Variants in EFCAB3 observed in about 807,000 individuals in gnomAD.
The protein encoded by EFCAB3 is EF-hand calcium-binding domain-containing protein 3.
A neutral mutation model predicts 42.2 loss-of-function variants in EFCAB3; 36 were observed. The observed-to-expected ratio is 0.85, with a 90% CI of 0.65 to 1.13. EFCAB3 has a LOEUF of 1.13. Among genes scored for constraint, EFCAB3 ranks in the 50% most tolerant of loss-of-function variants. The probability of loss-of-function intolerance (pLI) is 0.00; values close to 1 mark genes in which losing one functional copy is unlikely to be tolerated. For synonymous variants in EFCAB3, 170 were observed against 172.8 expected, an observed-to-expected ratio of 0.98 and a Z score of 0.13; for missense variants, 418 against 505.1, an observed-to-expected ratio of 0.83 and a Z score of 1.65.
chr17:62,399,479 T>G (rs1269818726), intron 6 of EFCAB3, among the ~76,000 whole-genome samples: 1 of 152,170 alleles, frequency 6.6e-6, no homozygotes, highest in Non-Finnish European at 1.5e-5. Flanking sequence ...AGCCAAAGCC[T>G]TTACAATGAC....
intron 2 of EFCAB3, among the ~76,000 whole-genome samples, chr17:62,375,105 C>T (rs1310572289): frequency 6.6e-6 from 1 of 151,936 alleles, no homozygotes; most frequent in Non-Finnish European, 1.5e-5. Flanking sequence ...TAGAGTGAGA[C>T]CTTGTCTGTA....
At chr17:62,377,075 G>T (rs2070156821), upstream of EFCAB3, among the ~76,000 whole-genome samples, 1 of 152,076 alleles carries the variant, frequency 6.6e-6, no homozygotes, top group African/African-American at 2.4e-5. Context: ...CAGATCAGAG[G>T]CAGGAAAAGA....
At chr17:62,394,548 A>G (rs2070333226) in intron 5 of EFCAB3, among the ~76,000 whole-genome samples, 3 of 152,186 alleles carry the variant, frequency 2.0e-5, no homozygotes, top group Admixed American at 1.3e-4. Flanking sequence ...AATGATGTGT[A>G]GTTGTACTTG....
intron 6 of EFCAB3, among the ~76,000 whole-genome samples, chr17:62,396,553 CAAAAAAATAAA>C (rs1195285990): frequency 7.3e-6 from 1 of 137,708 alleles, no homozygotes; most frequent in Admixed American, 7.3e-5. Context: ...GACTTCATCT[CAAAAAAATAAA>C]AAAGAAAAAA....
rs928985221 is a variant in EFCAB3 at position 62,387,505 on chromosome 17, G to T, written c.151+89G>T. ...TCTAAGAAAGATCTGAGATTTCAAGGGTTGTCTACACCACCATCATTTGAG... is the reference window on the plus strand; with the variant it reads ...TCTAAGAAAGATCTGAGATTTCAAGTGTTGTCTACACCACCATCATTTGAG... On this transcript the variant is annotated intron_variant, in intron 3 of 9. Transcript: ENST00000305286. 5 of 1,122,330 alleles carry T rather than the reference G, an allele frequency of 4.5e-6. No homozygotes were observed. In the African/African-American group the frequency reaches 4.7e-5, roughly 11 times the overall value. The allele number at this position is 1,122,330 out of a possible 1,614,324, so 69.5% of individuals were successfully genotyped here.
chr17:62,374,484 C>CTAA (rs1259822865), intron 2 of EFCAB3, among the ~76,000 whole-genome samples: 1 of 151,974 alleles, frequency 6.6e-6, no homozygotes, highest in Non-Finnish European at 1.5e-5. Flanking sequence ...ATAAATATAG[C>CTAA]TAATAATCTA....
At chr17:62,372,947 C>T (rs901935932) in intron 1 of EFCAB3, among the ~76,000 whole-genome samples, 2 of 152,142 alleles carry the variant, frequency 1.3e-5, no homozygotes, top group African/African-American at 4.8e-5. Context: ...TTGATTAATA[C>T]AATTTCCTAA....
intron 8 of EFCAB3, among the ~76,000 whole-genome samples, chr17:62,407,710 C>T (rs1413419738): frequency 1.3e-5 from 2 of 152,190 alleles, no homozygotes; most frequent in East Asian, 1.9e-4. Context: ...TTTGCCCCCC[C>T]TCCCAGGATA....
intron 8 of EFCAB3, among the ~76,000 whole-genome samples, chr17:62,411,329 G>C (rs1264564756): frequency 6.6e-6 from 1 of 152,106 alleles, no homozygotes; most frequent in Non-Finnish European, 1.5e-5. Flanking sequence ...TAATGACTGA[G>C]TATTTTTAGG....
At chr17:62,375,975 C>T (rs1484568022), upstream of EFCAB3, among the ~76,000 whole-genome samples, 3 of 152,172 alleles carry the variant, frequency 2.0e-5, no homozygotes, top group Non-Finnish European at 4.4e-5. Flanking sequence ...ATACATTTCA[C>T]ATGGCTACCC....
At chr17:62,398,873 TG>T (rs780297763) in intron 6 of EFCAB3, among the ~76,000 whole-genome samples, 3 of 152,326 alleles carry the variant, frequency 2.0e-5, no homozygotes, top group Admixed American at 6.5e-5. Flanking sequence ...GGTCTTGATT[TG>T]GTTAATGGTA....
chr17:62,404,633 C>A (rs919531473), intron 6 of EFCAB3, among the ~76,000 whole-genome samples: 6 of 151,860 alleles, frequency 4.0e-5, no homozygotes, highest in African/African-American at 1.5e-4. Context: ...CCCGTCTCTA[C>A]TAAAAGTACA....
At chr17:62,387,522 T>C in intron 3 of EFCAB3, 106 bp downstream of exon 3, 2 of 907,652 alleles carry the variant, frequency 2.2e-6, no homozygotes, top group South Asian at 1.7e-5. Context: ...TACACCACCA[T>C]CATTTGAGAG....
intron 8 of EFCAB3, among the ~76,000 whole-genome samples, chr17:62,410,677 C>T (rs957489588): frequency 6.6e-6 from 1 of 151,942 alleles, no homozygotes; most frequent in Non-Finnish European, 1.5e-5. Context: ...AGGAAAACCC[C>T]ATGTTTCAGA....
intron 6 of EFCAB3, among the ~76,000 whole-genome samples, chr17:62,396,280 C>T (rs1285054290): frequency 2.6e-5 from 4 of 152,230 alleles, no homozygotes; most frequent in South Asian, 4.1e-4. Flanking sequence ...TTCAGCTGGG[C>T]GCGGTGGCTC....
Position 62,398,179 on chromosome 17 carries a change from C to T in EFCAB3, c.488+2991C>T, listed in dbSNP as rs923490997. Reference sequence around the variant, plus strand: ...GAAAACACTGTAGTGACGGGCCAGGCGTGATGGCTCACGTCTGTAATTCCA... The same window carrying T: ...GAAAACACTGTAGTGACGGGCCAGGTGTGATGGCTCACGTCTGTAATTCCA... On this transcript the variant is annotated intron_variant, in intron 6 of 9. Coordinates refer to ENST00000305286, the MANE Select transcript of EFCAB3 (RefSeq NM_173503.4). 2.2e-4 allele frequency: 45 copies of T among 206,298 alleles called. 1 individual carries two copies. Among genetic ancestry groups the T allele is most frequent in the Admixed American group, 7.7e-4 (15 of 19,426 alleles). The allele number at this position is 206,298 out of a possible 1,614,324, so 12.8% of individuals were successfully genotyped here. A position where few individuals can be genotyped will look rare whatever the true frequency, so the allele number is the denominator to read the frequency against.
At position 62,416,471 on chromosome 17, in the gene EFCAB3, A is replaced by G. The variant is rs2070550469; in HGVS notation, c.*142A>G. Reference sequence around the variant, plus strand: ...GGATTCTGACCAGTAAAAAAGTTTAAGTCATAAAATGGTTTCCCTTTCCTA... The same window carrying G: ...GGATTCTGACCAGTAAAAAAGTTTAGGTCATAAAATGGTTTCCCTTTCCTA... On this transcript the variant is annotated 3_prime_UTR_variant, in exon 10 of 10. Coordinates refer to ENST00000305286, the MANE Select transcript of EFCAB3 (RefSeq NM_173503.4). 1.5e-6 allele frequency: 1 copy of G among 673,948 alleles called. No homozygotes were observed. Among genetic ancestry groups the G allele is most frequent in the African/African-American group, 1.8e-5 (1 of 54,618 alleles). 41.7% of individuals were successfully genotyped at this position (673,948 alleles called of 1,614,324 possible).
chr17:62,376,022 A>G (rs1310261226), upstream of EFCAB3, among the ~76,000 whole-genome samples: 2 of 152,106 alleles, frequency 1.3e-5, no homozygotes, highest in African/African-American at 2.4e-5. Flanking sequence ...CATAAGCCCC[A>G]ATCCACCTAC....
chr17:62,401,592 C>T (rs575376928), intron 6 of EFCAB3, among the ~76,000 whole-genome samples: 1 of 152,214 alleles, frequency 6.6e-6, no homozygotes, highest in African/African-American at 2.4e-5. Flanking sequence ...AAAGATCAGA[C>T]AGTTGTAGAT....
Sources: gnomAD v4.1 joint callset for allele counts (sites outside exome capture counted in the v4.1 genomes callset) on GRCh38, gnomAD v4.1.1 for gene constraint, MANE v1.5 for transcripts, NCBI Gene and HGNC (gene_info 2026-07-23, HGNC 2026-07-21) for gene names.